ZNF865: variants seen among roughly 807,000 people sequenced by gnomAD.
ZNF865 encodes the protein zinc finger protein 865.
For synonymous variants in ZNF865, 763 were observed against 750.8 expected (o/e 1.02, Z -0.27); for missense variants, 1,311 against 1,593.4 (o/e 0.82, Z 3.02).
At chr19:55,608,910 C>T (rs1981037446) in intron 1 of ZNF865, among the ~76,000 whole-genome samples, 1 of 152,090 alleles carries the variant, frequency 6.6e-6, no homozygotes, top group African/African-American at 2.4e-5. Context: ...CGGGGGTCCT[C>T]CTTCATTTTG....
In ZNF865 at chr19:55,616,118, G is replaced by A. The variant is rs1284579731; in HGVS notation, c.2500G>A (p.Asp834Asn). 2 of 1,492,080 alleles carry A rather than the reference G, an allele frequency of 1.3e-6. No homozygotes were observed. Among genetic ancestry groups the A allele is most frequent in the Non-Finnish European group, 1.8e-6 (2 of 1,122,974 alleles). 92.4% of individuals were successfully genotyped at this position (1,492,080 alleles called of 1,614,324 possible). A position where few individuals can be genotyped will look rare whatever the true frequency, so the allele number is the denominator to read the frequency against. Residue 834 changes from aspartate (D) to asparagine (N), a missense_variant, in exon 2 of 2, where the codon GAC (aspartate) becomes AAC (asparagine). Asp to Asn is a conservative substitution (Grantham distance 23). Coordinates refer to ENST00000568956, the MANE Select transcript of ZNF865 (RefSeq NM_001195605.2). ...CGGCCAGAGCTTCGCGGGCGCCTAC[G>A]ACTTGCTCCTACACCGCCGCAGCCA... The part of the protein sequence containing the change: ...LCGQSFAGAY[D>N]LLLHRRSHRQ...
At position 55,615,370 on chromosome 19, in the gene ZNF865, G is replaced by T; in HGVS notation, c.1752G>T (p.Gly584=). Residue 584 remains glycine, a synonymous_variant, in exon 2 of 2, where the codon GGG becomes GGT. Coordinates refer to ENST00000568956, the MANE Select transcript of ZNF865 (RefSeq NM_001195605.2). ...GEKPHQCPVC[G]KRFRESFHLS... The stretch of plus-strand genomic sequence containing the variant: ...AGCCCCACCAGTGCCCCGTGTGTGG[G>T]AAGCGCTTCCGCGAATCCTTCCACT... The T allele has an allele frequency of 6.6e-7, 1 of 1,504,524 alleles. No homozygotes were observed. The allele number at this position is 1,504,524 out of a possible 1,614,324, so 93.2% of individuals were successfully genotyped here. A position where few individuals can be genotyped will look rare whatever the true frequency, so the allele number is the denominator to read the frequency against.
At position 55,614,052 on chromosome 19, in the gene ZNF865, C is replaced by T. The variant is rs1981244541; in HGVS notation, c.434C>T (p.Pro145Leu). 3 of 1,473,666 alleles carry T rather than the reference C, an allele frequency of 2.0e-6. No homozygotes were observed. Among genetic ancestry groups the T allele is most frequent in the Non-Finnish European group, 2.7e-6 (3 of 1,117,032 alleles). 91.3% of individuals were successfully genotyped at this position (1,473,666 alleles called of 1,614,324 possible). The change falls in exon 2 of 2, where the codon CCG (proline) becomes CTG (leucine). Residue 145 changes from proline (P) to leucine (L), a missense_variant. Pro to Leu is a moderately conservative substitution (Grantham distance 98, BLOSUM62 -3). Coordinates refer to ENST00000568956, the MANE Select transcript of ZNF865 (RefSeq NM_001195605.2). This position sits in a 1 kb window ranked among gnomAD's most constrained non-coding sequence, Gnocchi z 8.0. ...PPLFDAAFPT[P>L]QWGIVDLSGH... is the part of the protein sequence containing the mutation. ...CTCTTTGACGCTGCTTTCCCCACTC[C>T]GCAGTGGGGCATCGTGGACCTCTCG... is the stretch of plus-strand genomic sequence containing the variant.
chr19:55,606,692 A>C lies in ZNF865; in HGVS notation c.-27+960A>C, dbSNP rs935604824. Among the ~76,000 whole-genome samples the C allele has an allele frequency of 2.0e-5, 3 of 152,272 alleles. No individual in the cohort carries two copies. In the South Asian group the frequency reaches 6.2e-4, roughly 32 times the overall value. ...AGACCCTGGACTTCACTAGGGTGTGACTTCTTTTCTCGTAGGCATTCCTTC... is the reference window on the plus strand; with the variant it reads ...AGACCCTGGACTTCACTAGGGTGTGCCTTCTTTTCTCGTAGGCATTCCTTC... On this transcript the variant is annotated intron_variant, in intron 1 of 1. Coordinates refer to ENST00000568956, the MANE Select transcript of ZNF865 (RefSeq NM_001195605.2).
chr19:55,614,779 C>T lies in ZNF865; in HGVS notation c.1161C>T (p.Phe387=), dbSNP rs780494299. The change falls in exon 2 of 2, where the codon TTC becomes TTT. Residue 387 remains phenylalanine (F), a synonymous_variant. Transcript: ENST00000568956. This position sits in a 1 kb window ranked among gnomAD's most constrained non-coding sequence, Gnocchi z 8.0. The part of the protein sequence containing the change: ...PFSCSVCSKS[F]NRRESLKRHV... ...CCTGCTCCGTGTGCAGCAAAAGCTT[C>T]AACCGCAGGGAGAGTCTGAAGCGCC... is the stretch of plus-strand genomic sequence containing the variant. 2 of 1,564,654 alleles carry T rather than the reference C, an allele frequency of 1.3e-6. No homozygotes were observed. The highest frequency in any genetic ancestry group is 1.2e-5 in the South Asian group (1 of 86,208).
chr19:55,610,468 C>G (rs1211409955), intron 1 of ZNF865, among the ~76,000 whole-genome samples: 1 of 152,206 alleles, frequency 6.6e-6, no homozygotes, highest in East Asian at 1.9e-4. Flanking sequence ...GCCATGTAGG[C>G]CAGACTGGTG....
Position 55,614,282 on chromosome 19 carries a change from C to G in ZNF865, c.664C>G (p.Arg222Gly). The change falls in exon 2 of 2, where the codon CGG becomes GGG. Residue 222 changes from arginine (R) to glycine (G), a missense_variant. Coordinates refer to ENST00000568956, the MANE Select transcript of ZNF865 (RefSeq NM_001195605.2). This position sits in a 1 kb window ranked among gnomAD's most constrained non-coding sequence, Gnocchi z 8.0. ...YFRRLKYLME[R>G]RFPCGVCQKS... ...CCGGAGACTGAAGTACCTGATGGAGCGGCGCTTCCCCTGCGGCGTGTGCCA... is the reference window on the plus strand; with the variant it reads ...CCGGAGACTGAAGTACCTGATGGAGGGGCGCTTCCCCTGCGGCGTGTGCCA... 1 of 1,514,194 alleles carries G rather than the reference C, an allele frequency of 6.6e-7. No homozygotes were observed. The highest frequency in any genetic ancestry group is 1.2e-5 in the South Asian group (1 of 81,884). 93.8% of individuals were successfully genotyped at this position (1,514,194 alleles called of 1,614,324 possible). A position where few individuals can be genotyped will look rare whatever the true frequency, so the allele number is the denominator to read the frequency against.
chr19:55,616,622 G>A lies in ZNF865; in HGVS notation c.3004G>A (p.Gly1002Ser), dbSNP rs907159582. The part of the protein sequence containing the change: ...PACLKAFKDP[G>S]YFRKHLAAHQ... Reference sequence around the variant, plus strand: ...CTGCCTCAAGGCCTTCAAGGATCCCGGCTACTTCCGTAAGCACCTGGCTGC... The same window carrying A: ...CTGCCTCAAGGCCTTCAAGGATCCCAGCTACTTCCGTAAGCACCTGGCTGC... Residue 1002 changes from glycine to serine, a missense_variant, in exon 2 of 2, where the codon GGC becomes AGC. By Grantham distance (56) the Gly-to-Ser change is moderately conservative (BLOSUM62 0). Coordinates refer to ENST00000568956, the MANE Select transcript of ZNF865 (RefSeq NM_001195605.2). 8 of 1,526,402 alleles carry A rather than the reference G, an allele frequency of 5.2e-6. No individual in the cohort carries two copies. Among genetic ancestry groups the A allele is most frequent in the Admixed American group, 4.1e-5 (2 of 49,054 alleles). 94.6% of individuals were successfully genotyped at this position (1,526,402 alleles called of 1,614,324 possible).
intron 1 of ZNF865, among the ~76,000 whole-genome samples, chr19:55,608,543 A>G (rs758550111): frequency 2.0e-5 from 3 of 151,788 alleles, no homozygotes; most frequent in Admixed American, 6.6e-5. Context: ...CAAACTCCCG[A>G]CCTCAGGTGA....
intron 1 of ZNF865, among the ~76,000 whole-genome samples, chr19:55,608,929 A>C (rs973434560): frequency 3.3e-5 from 5 of 152,098 alleles, no homozygotes; most frequent in African/African-American, 1.2e-4. Context: ...TGGAGGGAGA[A>C]ATACCGAAAG....
chr19:55,606,324 T>A (rs1203029358), intron 1 of ZNF865, among the ~76,000 whole-genome samples: 1 of 151,950 alleles, frequency 6.6e-6, no homozygotes, highest in East Asian at 1.9e-4. Flanking sequence ...GGTCCTCCAG[T>A]GATTCCCCTT....
rs1206293507 is a variant in ZNF865, at chr19:55,615,132, AGGC to A, written c.1524_1526del (p.Ala512del). The A allele has an allele frequency of 8.4e-6, 10 of 1,194,248 alleles. No homozygotes were observed. Among genetic ancestry groups the A allele is most frequent in the South Asian group, 5.7e-5 (2 of 34,952 alleles). 74.0% of individuals were successfully genotyped at this position (1,194,248 alleles called of 1,614,324 possible). A position where few individuals can be genotyped will look rare whatever the true frequency, so the allele number is the denominator to read the frequency against. ...GACCCTCCCACCACAGACAGCGAGA[AGGC>A]GGCGGCGGCCGCGGCGGCGGTGGTG... On this transcript the variant is annotated inframe_deletion, in exon 2 of 2. Coordinates refer to ENST00000568956, the MANE Select transcript of ZNF865 (RefSeq NM_001195605.2).
rs1204729596 is a variant in ZNF865, at chr19:55,614,579, G to A, written c.961G>A (p.Val321Met). The A allele has an allele frequency of 6.6e-7, 1 of 1,506,898 alleles. No individual in the cohort carries two copies. Among genetic ancestry groups the A allele is most frequent in the Non-Finnish European group, 8.8e-7 (1 of 1,133,754 alleles). The allele number at this position is 1,506,898 out of a possible 1,614,324, so 93.3% of individuals were successfully genotyped here. A position where few individuals can be genotyped will look rare whatever the true frequency, so the allele number is the denominator to read the frequency against. ...GTCCTCGGGCCCTCCAGCCACGCCC[G>A]TGGCGCCTGCCCCCTCCGCAGACGG... Reference protein sequence around the residue: ...TVSSGPPATPVAPAPSADGSA... With the variant: ...TVSSGPPATPMAPAPSADGSA... The change falls in exon 2 of 2, where the codon GTG becomes ATG. Residue 321 changes from valine to methionine, a missense_variant. Coordinates refer to ENST00000568956, the MANE Select transcript of ZNF865 (RefSeq NM_001195605.2). The surrounding 1 kb of genome is among the most constrained non-coding windows in gnomAD (Gnocchi z 8.0).
rs1477966071 is a variant in ZNF865 at position 55,615,065 on chromosome 19, C to G, written c.1447C>G (p.Pro483Ala). The G allele has an allele frequency of 8.2e-7, 1 of 1,216,572 alleles. No individual in the cohort carries two copies. Among genetic ancestry groups the G allele is most frequent in the African/African-American group, 1.7e-5 (1 of 60,568 alleles). 75.4% of individuals were successfully genotyped at this position (1,216,572 alleles called of 1,614,324 possible). A position where few individuals can be genotyped will look rare whatever the true frequency, so the allele number is the denominator to read the frequency against. Residue 483 changes from proline (P) to alanine (A), a missense_variant, in exon 2 of 2, where the codon CCC becomes GCC. By Grantham distance (27) the Pro-to-Ala change is conservative. Coordinates refer to ENST00000568956, the MANE Select transcript of ZNF865 (RefSeq NM_001195605.2). ...PKDGAASAPQ[P>A]PPTFPPGPYL... ...GGACGGGGCGGCCTCGGCCCCGCAG[C>G]CCCCGCCCACCTTCCCCCCGGGCCC...
In ZNF865 at chr19:55,616,659, G is replaced by C; in HGVS notation, c.3041G>C (p.Gly1014Ala). The C allele has an allele frequency of 6.5e-7, 1 of 1,529,552 alleles. No individual in the cohort carries two copies. Among genetic ancestry groups the C allele is most frequent in the Non-Finnish European group, 8.7e-7 (1 of 1,143,908 alleles). 94.7% of individuals were successfully genotyped at this position (1,529,552 alleles called of 1,614,324 possible). A position where few individuals can be genotyped will look rare whatever the true frequency, so the allele number is the denominator to read the frequency against. ...FRKHLAAHQGGRPFRCSSCGE... is the reference protein window; with the variant it reads ...FRKHLAAHQGARPFRCSSCGE... ...AAGCACCTGGCTGCCCACCAGGGCG[G>C]CCGGCCCTTCCGCTGCTCCTCCTGC... Residue 1014 changes from glycine to alanine, a missense_variant, in exon 2 of 2, where the codon GGC (glycine) becomes GCC (alanine). Gly to Ala is a moderately conservative substitution (Grantham distance 60, BLOSUM62 0). Transcript: ENST00000568956.
Position 55,614,669 on chromosome 19 carries a change from G to A in ZNF865, c.1051G>A (p.Ala351Thr), listed in dbSNP as rs758979659. Reference sequence around the variant, plus strand: ...CACCGGGGGTGGCGATGGCCCGTTCGCCTGCCCACTCTGCTGGAAGGTTTT... The same window carrying A: ...CACCGGGGGTGGCGATGGCCCGTTCACCTGCCCACTCTGCTGGAAGGTTTT... ...PATGGGDGPF[A>T]CPLCWKVFKK... is the part of the protein sequence containing the mutation. Residue 351 changes from alanine to threonine, a missense_variant, in exon 2 of 2, where the codon GCC (alanine) becomes ACC (threonine). By Grantham distance (58) the Ala-to-Thr change is moderately conservative. Coordinates refer to ENST00000568956, the MANE Select transcript of ZNF865 (RefSeq NM_001195605.2). The surrounding 1 kb of genome is among the most constrained non-coding windows in gnomAD (Gnocchi z 8.0). The A allele has an allele frequency of 1.9e-6, 3 of 1,548,224 alleles. No individual in the cohort carries two copies. Among genetic ancestry groups the A allele is most frequent in the Non-Finnish European group, 2.6e-6 (3 of 1,155,710 alleles).
Position 55,616,624 on chromosome 19 carries a change from C to A in ZNF865, c.3006C>A (p.Gly1002=). Residue 1002 remains glycine (G), a synonymous_variant, in exon 2 of 2, where the codon GGC becomes GGA. Coordinates refer to ENST00000568956, the MANE Select transcript of ZNF865 (RefSeq NM_001195605.2). ...PACLKAFKDP[G]YFRKHLAAHQ... ...GCCTCAAGGCCTTCAAGGATCCCGG[C>A]TACTTCCGTAAGCACCTGGCTGCCC... 6.5e-7 allele frequency: 1 copy of A among 1,526,952 alleles called. No individual in the cohort carries two copies. The highest frequency in any genetic ancestry group is 8.8e-7 in the Non-Finnish European group (1 of 1,142,482). The allele number at this position is 1,526,952 out of a possible 1,614,324, so 94.6% of individuals were successfully genotyped here.
chr19:55,613,529 C>G, intron 1 of ZNF865, 64 bp from the exon 2 acceptor site: 1 of 1,367,984 alleles, frequency 7.3e-7, no homozygotes, highest in South Asian at 1.5e-5. Flanking sequence ...GCGCACAGCT[C>G]CATTCACCTG....
At chr19:55,608,664 G>A (rs920682911) in intron 1 of ZNF865, among the ~76,000 whole-genome samples, 5 of 152,168 alleles carry the variant, frequency 3.3e-5, no homozygotes, top group African/African-American at 1.2e-4. Flanking sequence ...TTGGGACCGA[G>A]GATAGACATG....
Sources: allele counts gnomAD v4.1 joint callset (sites outside exome capture counted in the v4.1 genomes callset), GRCh38; gene constraint gnomAD v4.1.1; non-coding constraint Gnocchi (gnomAD v3.1); transcripts MANE v1.5; gene names NCBI Gene and HGNC (gene_info 2026-07-23, HGNC 2026-07-21).